KDM4C: variants seen among roughly 807,000 people sequenced by gnomAD.
KDM4C encodes the protein lysine-specific demethylase 4C.
A neutral mutation model predicts 129.3 loss-of-function variants in KDM4C; 81 were observed. The ratio of observed to expected loss-of-function variants is 0.63; its 90% CI spans 0.52 to 0.75. The LOEUF (loss-of-function observed/expected upper bound fraction) is 0.75, where lower values mean the gene tolerates loss of function less well. Among genes scored for constraint, KDM4C ranks in the 30% least tolerant of loss-of-function variants. KDM4C has a pLI of 0.00. For synonymous variants in KDM4C, 573 were observed against 456.1 expected, an observed-to-expected ratio of 1.26 and a Z score of -3.26; for missense variants, 1,457 against 1,304.0, an observed-to-expected ratio of 1.12 and a Z score of -1.81.
At chr9:7,060,716 G>C (rs1487510270) in intron 17 of KDM4C, among the ~76,000 whole-genome samples, 1 of 151,976 alleles carries the variant, frequency 6.6e-6, no homozygotes, top group Non-Finnish European at 1.5e-5. Context: ...TCCTGACCTC[G>C]TGATCCGCCT....
intron 8 of KDM4C, among the ~76,000 whole-genome samples, chr9:6,961,736 A>C (rs1188186157): frequency 6.6e-6 from 1 of 152,318 alleles, no homozygotes; most frequent in East Asian, 1.9e-4. Flanking sequence ...AAATAAAAAC[A>C]TGGTGACCTC....
chr9:7,016,233 T>G (rs1563987384), intron 15 of KDM4C, among the ~76,000 whole-genome samples: 1 of 151,878 alleles, frequency 6.6e-6, no homozygotes, highest in Admixed American at 6.6e-5. Context: ...GTTCACACCA[T>G]TCTCCTGCCT....
At chr9:7,096,738 C>G (rs990801930) in intron 17 of KDM4C, among the ~76,000 whole-genome samples, 1 of 150,646 alleles carries the variant, frequency 6.6e-6, no homozygotes, top group Non-Finnish European at 1.5e-5. Flanking sequence ...ATGTGCCTGA[C>G]CAACAGGCAT....
intron 5 of KDM4C, among the ~76,000 whole-genome samples, chr9:6,855,978 T>G (rs953130301): frequency 2.0e-5 from 3 of 152,178 alleles, no homozygotes; most frequent in Non-Finnish European, 4.4e-5. Context: ...TGGGTTCAAG[T>G]GGTCCTATTG....
intron 4 of KDM4C, among the ~76,000 whole-genome samples, chr9:6,829,739 C>T (rs1368046284): frequency 6.6e-6 from 1 of 152,172 alleles, no homozygotes; most frequent in African/African-American, 2.4e-5. Flanking sequence ...CTGTTGAGGC[C>T]TCTGCTGGTC....
Position 6,805,462 on chromosome 9 carries a change from ATCT to A in KDM4C, c.145-135_145-133del, listed in dbSNP as rs1395995644. On this transcript the variant is annotated intron_variant, in intron 2 of 21. Transcript: ENST00000381309. ...TCATATTGCTTTATTGCAAATATTC[ATCT>A]TTTTTTTTTTTTTTTACACATTTGT... 505 of 598,348 alleles carry A rather than the reference ATCT, an allele frequency of 8.4e-4. 3 individuals are homozygous for A. The African/African-American group carries it at 9.7e-3, about 12-fold the overall frequency. 37.1% of individuals were successfully genotyped at this position (598,348 alleles called of 1,614,324 possible). A position where few individuals can be genotyped will look rare whatever the true frequency, so the allele number is the denominator to read the frequency against.
At chr9:6,769,654 G>A (rs1399477222) in intron 1 of KDM4C, among the ~76,000 whole-genome samples, 8 of 152,102 alleles carry the variant, frequency 5.3e-5, no homozygotes, top group East Asian at 1.9e-4. Flanking sequence ...TTAATAAGAC[G>A]TCAGTACTCA....
chr9:6,953,368 A>T (rs1463646509), intron 8 of KDM4C, among the ~76,000 whole-genome samples: 1 of 152,156 alleles, frequency 6.6e-6, no homozygotes, highest in South Asian at 2.1e-4. Flanking sequence ...AACATAATTT[A>T]TTCTGCTTTG....
chr9:6,920,572 CA>C (rs1346633770), intron 8 of KDM4C, among the ~76,000 whole-genome samples: 1 of 120,134 alleles, frequency 8.3e-6, no homozygotes, highest in Non-Finnish European at 1.8e-5. Context: ...ATTAATTAAT[CA>C]ATATAAAGAA....
At chr9:6,998,842 A>C (rs1281075467) in intron 12 of KDM4C, among the ~76,000 whole-genome samples, 5 of 152,152 alleles carry the variant, frequency 3.3e-5, no homozygotes, top group Admixed American at 1.3e-4. Context: ...ACAACAACAA[A>C]AAATTGTTTA....
intron 17 of KDM4C, among the ~76,000 whole-genome samples, chr9:7,064,878 A>G (rs1449324492): frequency 3.3e-5 from 5 of 152,194 alleles, no homozygotes; most frequent in South Asian, 2.1e-4. Context: ...CAGTGATGAT[A>G]ATGTATCTAT....
At chr9:6,763,971 C>T (rs1820111289) in intron 1 of KDM4C, among the ~76,000 whole-genome samples, 1 of 152,164 alleles carries the variant, frequency 6.6e-6, no homozygotes, top group South Asian at 2.1e-4. Context: ...GTTGGTTAGG[C>T]TGGTCTCGAA....
At chr9:7,140,460 T>C (rs1218331614) in intron 19 of KDM4C, among the ~76,000 whole-genome samples, 1 of 152,212 alleles carries the variant, frequency 6.6e-6, no homozygotes, top group East Asian at 1.9e-4. Flanking sequence ...GGAAATAGTA[T>C]GTGTGGTGCT....
At chr9:7,053,045 A>T (rs1830425875) in intron 17 of KDM4C, among the ~76,000 whole-genome samples, 2 of 152,186 alleles carry the variant, frequency 1.3e-5, no homozygotes, top group Admixed American at 6.5e-5. Context: ...GGGGCAAGTT[A>T]GAGTTTTTCT....
intron 19 of KDM4C, among the ~76,000 whole-genome samples, chr9:7,142,172 C>G (rs745489645): frequency 6.6e-6 from 1 of 152,186 alleles, no homozygotes; most frequent in Admixed American, 6.5e-5. Context: ...CTGATTCTAA[C>G]GTCTCTTAAT....
At chr9:6,901,064 A>G (rs991903292) in intron 8 of KDM4C, among the ~76,000 whole-genome samples, 5 of 151,954 alleles carry the variant, frequency 3.3e-5, no homozygotes, top group Non-Finnish European at 7.4e-5. Flanking sequence ...TAAAGGCTCT[A>G]TTCTAGACAT....
chr9:7,036,487 G>A (rs950905406), intron 15 of KDM4C, among the ~76,000 whole-genome samples: 10 of 152,000 alleles, frequency 6.6e-5, no homozygotes, highest in African/African-American at 9.7e-5. Flanking sequence ...CTACCAGAGC[G>A]GTGCTCTGAA....
At chr9:7,027,386 A>G (rs1390300424) in intron 15 of KDM4C, among the ~76,000 whole-genome samples, 1 of 152,148 alleles carries the variant, frequency 6.6e-6, no homozygotes, top group East Asian at 1.9e-4. Flanking sequence ...AATTTTCTGG[A>G]TTACTAGGCA....
At chr9:6,857,755 C>CTTTT (rs34529562) in intron 5 of KDM4C, among the ~76,000 whole-genome samples, 30 of 135,544 alleles carry the variant, frequency 2.2e-4, no homozygotes, top group Non-Finnish European at 2.6e-4. Flanking sequence ...GCCAGCTGTA[C>CTTTT]TTTTTTTTTT....
Sources: allele counts gnomAD v4.1 joint callset (sites outside exome capture counted in the v4.1 genomes callset), GRCh38; gene constraint gnomAD v4.1.1; transcripts MANE v1.5; gene names NCBI Gene and HGNC (gene_info 2026-07-23, HGNC 2026-07-21).